KPNA4: variants seen among roughly 807,000 people sequenced by gnomAD.
KPNA4 encodes karyopherin subunit alpha 4.
KPNA4 carries 13 observed loss-of-function variants against 71.3 expected under a neutral mutation model. The ratio of observed to expected loss-of-function variants is 0.18; its 90% CI spans 0.12 to 0.29. The LOEUF (loss-of-function observed/expected upper bound fraction) is 0.29, where lower values mean the gene tolerates loss of function less well. KPNA4 is among the 10% of genes least tolerant of loss of function. The pLI, the probability that KPNA4 is intolerant of heterozygous loss-of-function variation, is 1.00. For synonymous variants in KPNA4, 189 were observed against 195.2 expected, an observed-to-expected ratio of 0.97 and a Z score of 0.26; for missense variants, 334 against 603.2, an observed-to-expected ratio of 0.55 and a Z score of 4.67.
intron 5 of KPNA4, among the ~76,000 whole-genome samples, chr3:160,533,846 T>G (rs1018137826): frequency 1.3e-5 from 2 of 152,216 alleles, no homozygotes; most frequent in African/African-American, 4.8e-5. Flanking sequence ...GAAAACCTCT[T>G]AGGGTACACT....
intron 14 of KPNA4, among the ~76,000 whole-genome samples, chr3:160,509,496 A>T (rs1211736762): frequency 2.0e-5 from 3 of 152,236 alleles, no homozygotes; most frequent in East Asian, 3.8e-4. Flanking sequence ...GAAAAAGAAC[A>T]CTTCTATGAA....
At chr3:160,563,980 C>G (rs1324117633) in intron 1 of KPNA4, among the ~76,000 whole-genome samples, 1 of 112,626 alleles carries the variant, frequency 8.9e-6, no homozygotes, top group East Asian at 2.1e-4. Flanking sequence ...AAAAATATCT[C>G]AGTCAAGCAG....
At chr3:160,515,963 T>C (rs551459306) in intron 11 of KPNA4, among the ~76,000 whole-genome samples, 1 of 151,864 alleles carries the variant, frequency 6.6e-6, no homozygotes, top group Admixed American at 6.5e-5. Flanking sequence ...AAAAGACAAA[T>C]GCATTCATTC....
At chr3:160,549,378 T>G (rs1721992737) in intron 1 of KPNA4, among the ~76,000 whole-genome samples, 1 of 152,198 alleles carries the variant, frequency 6.6e-6, no homozygotes. Flanking sequence ...TTATAAAACT[T>G]TCTCTATTTT....
chr3:160,522,061 T>A, intron 10 of KPNA4, 151 bp from the exon 11 acceptor site: 1 of 652,052 alleles, frequency 1.5e-6, no homozygotes, highest in Non-Finnish European at 2.6e-6. Flanking sequence ...GCTACGGTAT[T>A]AAACATCATC....
At chr3:160,529,216 G>A (rs1035901907) in intron 7 of KPNA4, among the ~76,000 whole-genome samples, 1 of 152,184 alleles carries the variant, frequency 6.6e-6, no homozygotes, top group African/African-American at 2.4e-5. Flanking sequence ...TTACTGGCAT[G>A]AGCCACCATG....
At chr3:160,511,510 T>C (rs956315621) in intron 13 of KPNA4, among the ~76,000 whole-genome samples, 1 of 152,040 alleles carries the variant, frequency 6.6e-6, no homozygotes, top group Non-Finnish European at 1.5e-5. Context: ...AATGCAGTAC[T>C]ATGTAGCTAT....
rs1227838610 is a variant in KPNA4, at chr3:160,565,464, G to A, written c.-182C>T. The A allele has an allele frequency of 5.2e-6, 2 of 385,380 alleles. No homozygotes were observed. The highest frequency in any genetic ancestry group is 2.4e-5 in the African/African-American group (1 of 41,808). 23.9% of individuals were successfully genotyped at this position (385,380 alleles called of 1,614,324 possible). ...TTCTCCTCTCCCCGCCCGCCCCCCC[G>A]CCCTAACCCCAGCGCGACTGCAGCT... On this transcript the variant is annotated 5_prime_UTR_variant, in exon 1 of 17. Coordinates refer to ENST00000334256, the MANE Select transcript of KPNA4 (RefSeq NM_002268.5).
At chr3:160,543,008 A>C (rs757600408) in intron 1 of KPNA4, among the ~76,000 whole-genome samples, 12 of 152,194 alleles carry the variant, frequency 7.9e-5, no homozygotes, top group Non-Finnish European at 1.8e-4. Flanking sequence ...TCAACATTCA[A>C]ACAACAGGAA....
At chr3:160,518,644 G>C (rs1357204937) in intron 11 of KPNA4, among the ~76,000 whole-genome samples, 1 of 151,544 alleles carries the variant, frequency 6.6e-6, no homozygotes, top group Non-Finnish European at 1.5e-5. Context: ...TGGATCACCT[G>C]AGGTCAGGAG....
chr3:160,498,037 GA>G lies in KPNA4; in HGVS notation c.*4066del, dbSNP rs1318027194. On this transcript the variant is annotated 3_prime_UTR_variant, in exon 17 of 17. Coordinates refer to ENST00000334256, the MANE Select transcript of KPNA4 (RefSeq NM_002268.5). The stretch of plus-strand genomic sequence containing the variant: ...TTTAAATGAATTTAGATTACCTTTA[GA>G]ATAGTAATTAGAAGCCCTGGGCAGT... The G allele has an allele frequency of 6.6e-6, 1 of 152,142 alleles. No individual in the cohort carries two copies. Among genetic ancestry groups the G allele is most frequent in the Non-Finnish European group, 1.5e-5 (1 of 68,034 alleles). 9.4% of individuals were successfully genotyped at this position (152,142 alleles called of 1,614,324 possible). A position where few individuals can be genotyped will look rare whatever the true frequency, so the allele number is the denominator to read the frequency against.
intron 8 of KPNA4, among the ~76,000 whole-genome samples, chr3:160,526,914 A>G (rs1560049335): frequency 1.3e-5 from 2 of 152,208 alleles, no homozygotes; most frequent in South Asian, 2.1e-4. Flanking sequence ...TTTGGTATAA[A>G]AGCAAAAGAG....
At chr3:160,533,991 T>C (rs1455238903) in intron 5 of KPNA4, among the ~76,000 whole-genome samples, 3 of 152,366 alleles carry the variant, frequency 2.0e-5, no homozygotes, top group South Asian at 2.1e-4. Context: ...TATTTTGCAA[T>C]GTGAATGGTT....
chr3:160,544,232 G>A (rs903026879), intron 1 of KPNA4, among the ~76,000 whole-genome samples: 2 of 152,172 alleles, frequency 1.3e-5, no homozygotes, highest in Admixed American at 1.3e-4. Flanking sequence ...ATGTATATGT[G>A]CGCACTGGCA....
intron 13 of KPNA4, among the ~76,000 whole-genome samples, chr3:160,510,945 G>C (rs1265861898): frequency 6.6e-6 from 1 of 151,124 alleles, no homozygotes; most frequent in Non-Finnish European, 1.5e-5. Flanking sequence ...GCACCACCAC[G>C]CCTGGCTAGT....
rs1439471604 is a variant in KPNA4, at chr3:160,498,984, C to A, written c.*3120G>T. 6.6e-6 allele frequency: 1 copy of A among 152,090 alleles called. No homozygotes were observed. Among genetic ancestry groups the A allele is most frequent in the African/African-American group, 2.4e-5 (1 of 41,426 alleles). The allele number at this position is 152,090 out of a possible 1,614,324, so 9.4% of individuals were successfully genotyped here. ...ATGGAGAATCCAAAAAGGGTGCCCC[C>A]ATAAATTACTGTTACAATAAACCCA... On this transcript the variant is annotated 3_prime_UTR_variant, in exon 17 of 17. Transcript: ENST00000334256.
chr3:160,505,393 C>A (rs1380675297), intron 15 of KPNA4, among the ~76,000 whole-genome samples: 1 of 152,136 alleles, frequency 6.6e-6, no homozygotes, highest in Non-Finnish European at 1.5e-5. Flanking sequence ...CGGAATCTTC[C>A]TACTTTCCAG....
intron 1 of KPNA4, among the ~76,000 whole-genome samples, chr3:160,543,394 G>A (rs531595967): frequency 3.1e-4 from 47 of 151,514 alleles, no homozygotes; most frequent in African/African-American, 1.1e-3. Context: ...AGGCTGGAGT[G>A]CAGTGGCGCG....
intron 1 of KPNA4, among the ~76,000 whole-genome samples, chr3:160,546,067 C>T (rs563766164): frequency 6.6e-6 from 1 of 152,200 alleles, no homozygotes; most frequent in South Asian, 2.1e-4. Context: ...AAGAAAGAGG[C>T]TGAGACTAAA....
Sources: allele counts gnomAD v4.1 joint callset (sites outside exome capture counted in the v4.1 genomes callset), GRCh38; gene constraint gnomAD v4.1.1; transcripts MANE v1.5; gene names NCBI Gene and HGNC (gene_info 2026-07-23, HGNC 2026-07-21).